The following LAPTM4B variants were observed in gnomAD, a reference collection of about 807,000 sequenced individuals.
The protein encoded by LAPTM4B is lysosomal protein transmembrane 4 beta.
In LAPTM4B, 26 loss-of-function variants were observed where a neutral mutation model predicts 28.5. The observed-to-expected ratio is 0.91, with a 90% CI of 0.67 to 1.27. LAPTM4B has a LOEUF of 1.27. LAPTM4B is among the 50% of genes most tolerant of loss of function. The pLI is 0.00. For missense variants in LAPTM4B, 288 were observed against 285.8 expected, an observed-to-expected ratio of 1.01 and a Z score of -0.06; for synonymous variants, 109 against 106.4, an observed-to-expected ratio of 1.02 and a Z score of -0.15.
intron 5 of LAPTM4B, among the ~76,000 whole-genome samples, chr8:97,820,284 T>G (rs546022321): frequency 6.9e-6 from 1 of 145,506 alleles, no homozygotes; most frequent in East Asian, 2.0e-4. Context: ...TTTTCTTTTT[T>G]TATTTATTTT....
chr8:97,777,474 G>T (rs1816242793), intron 1 of LAPTM4B, among the ~76,000 whole-genome samples: 1 of 152,072 alleles, frequency 6.6e-6, no homozygotes, highest in East Asian at 1.9e-4. Flanking sequence ...TCTCTTTAAT[G>T]AGTTGGGGTG....
At chr8:97,850,460 G>A (rs926030053) in intron 6 of LAPTM4B, among the ~76,000 whole-genome samples, 2 of 131,908 alleles carry the variant, frequency 1.5e-5, no homozygotes, top group Non-Finnish European at 3.0e-5. Flanking sequence ...GAGCTGGAGA[G>A]GAGGGGTGTG....
At chr8:97,826,543 T>TTTATTTGTTTTTTGA in intron 6 of LAPTM4B, among the ~76,000 whole-genome samples, 1 of 151,992 alleles carries the variant, frequency 6.6e-6, no homozygotes, top group East Asian at 1.9e-4. Flanking sequence ...TAACTTTTTT[T>TTTATTTGTTTTTTGA]GTTCGCCCAG....
rs1554588216 is a variant in LAPTM4B, at chr8:97,775,958, G to GGC, written c.-52_-51insGC. On this transcript the variant is annotated 5_prime_UTR_variant, in exon 1 of 7. Coordinates refer to ENST00000521545, the MANE Select transcript of LAPTM4B (RefSeq NM_018407.6). ...GGCGCGGCGGGCTCCAGGCGAGGCG[G>GGC]TCGACGCTCCTGAAAACTTGCGCGC... is the stretch of plus-strand genomic sequence containing the variant. The GGC allele has an allele frequency of 3.0e-5, 45 of 1,519,832 alleles. No individual in the cohort carries two copies. Among genetic ancestry groups the GGC allele is most frequent in the South Asian group, 1.2e-4 (10 of 81,032 alleles). 94.1% of individuals were successfully genotyped at this position (1,519,832 alleles called of 1,614,324 possible).
chr8:97,821,958 ATGAAT>A (rs1817010731), intron 5 of LAPTM4B, among the ~76,000 whole-genome samples: 1 of 152,234 alleles, frequency 6.6e-6, no homozygotes, highest in African/African-American at 2.4e-5. Flanking sequence ...ATGAAAGAAA[ATGAAT>A]TGAGTCTAAA....
At chr8:97,798,590 A>G (rs1816626499) in intron 1 of LAPTM4B, among the ~76,000 whole-genome samples, 1 of 152,116 alleles carries the variant, frequency 6.6e-6, no homozygotes, top group South Asian at 2.1e-4. Flanking sequence ...GGCTAGAGGT[A>G]GAGTGGGTGA....
At chr8:97,829,213 A>G (rs1347572243) in intron 6 of LAPTM4B, among the ~76,000 whole-genome samples, 4 of 152,110 alleles carry the variant, frequency 2.6e-5, no homozygotes, top group African/African-American at 4.8e-5. Flanking sequence ...GTGTATAAGA[A>G]AGCGCTTGGT....
At position 97,792,207 on chromosome 8, in the gene LAPTM4B, T is replaced by C. The variant is rs149802948; in HGVS notation, c.100-13146T>C. 1.9e-3 allele frequency among the ~76,000 whole-genome samples: 283 copies of C among 152,296 alleles called. 2 individuals carry two copies. Among genetic ancestry groups the C allele is most frequent in the Non-Finnish European group, 1.8e-3 (122 of 68,038 alleles). ...AACTCCAAGGATTGCCAAGAGTGGC[T>C]CATTTTCCTGCTTGTGTGCTGTAGA... is the stretch of plus-strand genomic sequence containing the variant. On this transcript the variant is annotated intron_variant, in intron 1 of 6. Transcript: ENST00000521545.
At position 97,852,978 on chromosome 8, in the gene LAPTM4B, C is replaced by T. The variant is rs1053389625; in HGVS notation, c.*1504C>T. 5.0e-5 allele frequency: 30 copies of T among 600,128 alleles called. No individual in the cohort carries two copies. The highest frequency in any genetic ancestry group is 7.3e-5 in the Non-Finnish European group (27 of 369,030). 37.2% of individuals were successfully genotyped at this position (600,128 alleles called of 1,614,324 possible). A position where few individuals can be genotyped will look rare whatever the true frequency, so the allele number is the denominator to read the frequency against. ...AAACAGAAGTAGAAAAAGGTGTAGC[C>T]GGCATACAAATGTTATCTACAGTGT... On this transcript the variant is annotated 3_prime_UTR_variant, in exon 7 of 7. Coordinates refer to ENST00000521545, the MANE Select transcript of LAPTM4B (RefSeq NM_018407.6).
chr8:97,830,972 A>G (rs1417597497), intron 6 of LAPTM4B, among the ~76,000 whole-genome samples: 1 of 152,204 alleles, frequency 6.6e-6, no homozygotes, highest in East Asian at 1.9e-4. Context: ...ATAGGAGATC[A>G]AAGGGGCTAT....
chr8:97,804,293 A>G (rs1204992666), intron 1 of LAPTM4B, among the ~76,000 whole-genome samples: 2 of 152,192 alleles, frequency 1.3e-5, no homozygotes, highest in African/African-American at 4.8e-5. Context: ...CAAAGTTAAT[A>G]TGTGTGTGTA....
intron 6 of LAPTM4B, among the ~76,000 whole-genome samples, chr8:97,841,372 G>A (rs377487549): frequency 2.1e-4 from 32 of 152,250 alleles, no homozygotes; most frequent in African/African-American, 7.7e-4. Context: ...TTGTCACCCG[G>A]GCTGGAGTGC....
intron 5 of LAPTM4B, among the ~76,000 whole-genome samples, chr8:97,820,443 T>G (rs1404672227): frequency 6.6e-6 from 1 of 152,064 alleles, no homozygotes; most frequent in Non-Finnish European, 1.5e-5. Context: ...ATGCCTTTCA[T>G]TGTCTTAATT....
At chr8:97,843,613 C>G (rs1269644349) in intron 6 of LAPTM4B, among the ~76,000 whole-genome samples, 1 of 152,042 alleles carries the variant, frequency 6.6e-6, no homozygotes, top group African/African-American at 2.4e-5. Context: ...AACTCTGTCT[C>G]TACTAGAAAT....
intron 5 of LAPTM4B, among the ~76,000 whole-genome samples, chr8:97,820,320 T>TTTTTTA (rs1816985386): frequency 6.7e-6 from 1 of 149,860 alleles, no homozygotes; most frequent in Non-Finnish European, 1.5e-5. Flanking sequence ...TTTTTTTTTT[T>TTTTTTA]GAGGTAGGGT....
intron 6 of LAPTM4B, among the ~76,000 whole-genome samples, chr8:97,845,102 C>T (rs2129854610): frequency 6.6e-6 from 1 of 152,292 alleles, no homozygotes; most frequent in African/African-American, 2.4e-5. Context: ...TTGCTAGTTG[C>T]TGATGATCAA....
chr8:97,849,344 T>A (rs1483733616), intron 6 of LAPTM4B, among the ~76,000 whole-genome samples: 1 of 152,134 alleles, frequency 6.6e-6, no homozygotes, highest in Non-Finnish European at 1.5e-5. Context: ...GACAGTGACA[T>A]GTTTTCAGGT....
chr8:97,796,907 T>C (rs1263138934), intron 1 of LAPTM4B, among the ~76,000 whole-genome samples: 1 of 152,168 alleles, frequency 6.6e-6, no homozygotes, highest in Non-Finnish European at 1.5e-5. Flanking sequence ...GCCATTGCAC[T>C]CCAGCTTGCG....
intron 6 of LAPTM4B, among the ~76,000 whole-genome samples, chr8:97,837,664 G>T (rs1021519263): frequency 6.6e-6 from 1 of 152,008 alleles, no homozygotes; most frequent in Non-Finnish European, 1.5e-5. Flanking sequence ...AGTCCTGTAC[G>T]CACCAAATTC....
Sources: gnomAD v4.1 joint callset for allele counts (sites outside exome capture counted in the v4.1 genomes callset) on GRCh38, gnomAD v4.1.1 for gene constraint, MANE v1.5 for transcripts, NCBI Gene and HGNC (gene_info 2026-07-23, HGNC 2026-07-21) for gene names.